Variants in ARHGAP10 observed in about 807,000 individuals in gnomAD.
ARHGAP10 encodes the protein Rho GTPase activating protein 10.
Under a neutral mutation model 108.6 loss-of-function variants are expected in ARHGAP10, and 87 were observed. The ratio of observed to expected loss-of-function variants is 0.80; its 90% CI spans 0.67 to 0.96. The LOEUF (loss-of-function observed/expected upper bound fraction) is 0.96, where lower values mean the gene tolerates loss of function less well. ARHGAP10 is among the 40% of genes least tolerant of loss of function. The pLI is 0.00. For missense variants in ARHGAP10, 939 were observed against 954.5 expected, an observed-to-expected ratio of 0.98 and a Z score of 0.21; for synonymous variants, 347 against 341.1, an observed-to-expected ratio of 1.02 and a Z score of -0.19.
At chr4:147,901,240 T>G (rs1437806161) in intron 10 of ARHGAP10, among the ~76,000 whole-genome samples, 1 of 152,222 alleles carries the variant, frequency 6.6e-6, no homozygotes. Flanking sequence ...TAGCAAACGT[T>G]TTATTTTTCC....
chr4:147,956,035 T>G (rs1216750427), intron 16 of ARHGAP10, among the ~76,000 whole-genome samples: 1 of 152,150 alleles, frequency 6.6e-6, no homozygotes, highest in East Asian at 1.9e-4. Flanking sequence ...CATCATAGTC[T>G]TCTGAAGTAC....
intron 20 of ARHGAP10, among the ~76,000 whole-genome samples, chr4:148,056,461 T>C (rs1479850809): frequency 2.0e-5 from 3 of 152,212 alleles, no homozygotes; most frequent in Non-Finnish European, 4.4e-5. Context: ...TTAAAATAAA[T>C]TTTTATTTTG....
At position 148,064,481 on chromosome 4, in the gene ARHGAP10, T is replaced by G. The variant is rs745439250; in HGVS notation, c.2246T>G (p.Phe749Cys). Residue 749 changes from phenylalanine to cysteine, a missense_variant, in exon 22 of 23, where the codon TTT becomes TGT. Coordinates refer to ENST00000336498, the MANE Select transcript of ARHGAP10 (RefSeq NM_024605.4). ...CEAEHSSELSFEIGAIFEDVQ... is the reference protein window; with the variant it reads ...CEAEHSSELSCEIGAIFEDVQ... ...GCAGAACACAGCTCGGAATTATCTT[T>G]TGAAATAGGAGCAATTTTTGAGGAT... 6.2e-7 allele frequency: 1 copy of G among 1,614,220 alleles called. No individual in the cohort carries two copies. Among genetic ancestry groups the G allele is most frequent in the South Asian group, 1.1e-5 (1 of 91,082 alleles).
chr4:147,802,032 C>T (rs908721381), intron 1 of ARHGAP10, among the ~76,000 whole-genome samples: 7 of 152,094 alleles, frequency 4.6e-5, no homozygotes, highest in African/African-American at 1.7e-4. Flanking sequence ...AAACACTGGC[C>T]CTGTTTAATG....
At chr4:147,788,420 C>T (rs890084042) in intron 1 of ARHGAP10, among the ~76,000 whole-genome samples, 4 of 152,072 alleles carry the variant, frequency 2.6e-5, no homozygotes, top group African/African-American at 9.7e-5. Flanking sequence ...GCACTTCAGC[C>T]TGGGTGACAG....
chr4:148,071,846 T>C, intron 22 of ARHGAP10, 147 bp from the exon 23 acceptor site: 1 of 634,216 alleles, frequency 1.6e-6, no homozygotes, highest in Non-Finnish European at 2.7e-6. Context: ...AGCCTGTCAA[T>C]GACCCTGGTG....
At chr4:147,733,236 A>G (rs931792439) in intron 1 of ARHGAP10, among the ~76,000 whole-genome samples, 5 of 152,162 alleles carry the variant, frequency 3.3e-5, no homozygotes, top group African/African-American at 1.2e-4. Flanking sequence ...CAGGAGAGAT[A>G]ACTGTATTTT....
intron 1 of ARHGAP10, among the ~76,000 whole-genome samples, chr4:147,805,938 G>T (rs1296697027): frequency 6.6e-6 from 1 of 152,130 alleles, no homozygotes; most frequent in Non-Finnish European, 1.5e-5. Context: ...TCAAATTTAA[G>T]ATTATTTACT....
At chr4:147,933,249 G>C (rs143701070) in intron 13 of ARHGAP10, among the ~76,000 whole-genome samples, 1 of 152,046 alleles carries the variant, frequency 6.6e-6, no homozygotes, top group Admixed American at 6.5e-5. Context: ...ACAAGGTTTT[G>C]CTATGTTGCC....
chr4:148,032,321 C>G (rs1439333054), intron 19 of ARHGAP10, among the ~76,000 whole-genome samples: 1 of 52,008 alleles, frequency 1.9e-5, no homozygotes, highest in Non-Finnish European at 3.3e-5. Context: ...TTGGCAATTT[C>G]AACTGTCCCC....
chr4:147,873,053 A>G (rs979879783), intron 7 of ARHGAP10, among the ~76,000 whole-genome samples: 14 of 152,234 alleles, frequency 9.2e-5, no homozygotes, highest in Non-Finnish European at 1.8e-4. Context: ...AACTGTATGT[A>G]CATCTATTTC....
At chr4:147,751,385 AC>A (rs978192077) in intron 1 of ARHGAP10, among the ~76,000 whole-genome samples, 4 of 149,928 alleles carry the variant, frequency 2.7e-5, no homozygotes, top group African/African-American at 9.8e-5. Flanking sequence ...TTTTTTTGAG[AC>A]AGAGTCTTGT....
intron 18 of ARHGAP10, among the ~76,000 whole-genome samples, chr4:147,976,575 T>A (rs1421196384): frequency 6.6e-6 from 1 of 152,096 alleles, no homozygotes; most frequent in East Asian, 1.9e-4. Context: ...CAGCAGGGCT[T>A]TGCATTTTCT....
chr4:147,788,172 C>T (rs569503860), intron 1 of ARHGAP10, among the ~76,000 whole-genome samples: 1 of 152,030 alleles, frequency 6.6e-6, no homozygotes, highest in Non-Finnish European at 1.5e-5. Context: ...AAGGGCCAGG[C>T]ATGGTGGCTT....
chr4:147,792,992 G>C (rs1731175412), intron 1 of ARHGAP10, among the ~76,000 whole-genome samples: 1 of 152,142 alleles, frequency 6.6e-6, no homozygotes, highest in East Asian at 1.9e-4. Flanking sequence ...ACAAAAATTA[G>C]CTGGGTGTGG....
intron 15 of ARHGAP10, 132 bp from the exon 16 acceptor site, chr4:147,955,183 TA>T (rs1411340872): frequency 7.9e-5 from 63 of 796,284 alleles, no homozygotes; most frequent in Non-Finnish European, 1.3e-4. Context: ...TTTTGATATG[TA>T]AAGGTATTCC....
intron 1 of ARHGAP10, among the ~76,000 whole-genome samples, chr4:147,792,028 G>T (rs1352724072): frequency 6.6e-6 from 1 of 152,216 alleles, no homozygotes; most frequent in African/African-American, 2.4e-5. Context: ...TTTCTCTGGG[G>T]ACATCACGTG....
chr4:147,802,629 C>T (rs1377659055), intron 1 of ARHGAP10, among the ~76,000 whole-genome samples: 2 of 152,214 alleles, frequency 1.3e-5, no homozygotes, highest in East Asian at 3.8e-4. Context: ...TGCAGGTGGC[C>T]AGCTCTGCTT....
At chr4:147,878,966 T>G (rs13123544) in intron 8 of ARHGAP10, among the ~76,000 whole-genome samples, 6,721 of 152,062 alleles carry the variant, frequency 0.044, 179 homozygotes, top group Non-Finnish European at 0.065. Context: ...GAGATGGAGT[T>G]TCACCGTGTT....
Sources: gnomAD v4.1 joint callset for allele counts (sites outside exome capture counted in the v4.1 genomes callset) on GRCh38, gnomAD v4.1.1 for gene constraint, MANE v1.5 for transcripts, NCBI Gene and HGNC (gene_info 2026-07-23, HGNC 2026-07-21) for gene names.